The following CDKAL1 variants were observed in gnomAD, a reference collection of about 807,000 sequenced individuals.
CDKAL1 encodes the protein CDKAL1 threonylcarbamoyladenosine tRNA methylthiotransferase, also known as threonylcarbamoyladenosine tRNA methylthiotransferase.
In CDKAL1, 32 loss-of-function variants were observed where a neutral mutation model predicts 68.2. That is an observed-to-expected ratio of 0.47 (90% CI 0.35 to 0.63). CDKAL1 has a LOEUF of 0.63. CDKAL1 is among the 30% of genes least tolerant of loss of function. The probability of loss-of-function intolerance (pLI) is 0.00; values close to 1 mark genes in which losing one functional copy is unlikely to be tolerated. For missense variants in CDKAL1, 606 were observed against 696.7 expected, an observed-to-expected ratio of 0.87 and a Z score of 1.47; for synonymous variants, 234 against 244.3, an observed-to-expected ratio of 0.96 and a Z score of 0.39.
chr6:20,550,264 C>T (rs1763767040), intron 4 of CDKAL1, among the ~76,000 whole-genome samples: 1 of 152,158 alleles, frequency 6.6e-6, no homozygotes, highest in Non-Finnish European at 1.5e-5. Flanking sequence ...AGGCATGAGC[C>T]ACTGCACCTG....
intron 11 of CDKAL1, among the ~76,000 whole-genome samples, chr6:21,039,704 G>T (rs1769804439): frequency 6.6e-6 from 1 of 152,154 alleles, no homozygotes; most frequent in South Asian, 2.1e-4. Context: ...ATAAAATATG[G>T]AATCAGAACA....
chr6:20,718,369 C>G (rs1772190220), intron 5 of CDKAL1, among the ~76,000 whole-genome samples: 3 of 152,158 alleles, frequency 2.0e-5, no homozygotes, highest in South Asian at 2.1e-4. Context: ...TTGTTATTCT[C>G]TAGAAGACAT....
intron 15 of CDKAL1, among the ~76,000 whole-genome samples, chr6:21,205,928 G>C (rs1280294556): frequency 2.2e-5 from 3 of 139,356 alleles, no homozygotes; most frequent in African/African-American, 8.3e-5. Context: ...TCCGCCTCCC[G>C]GGTTCACGCC....
At chr6:20,966,746 A>G (rs188496702) in intron 10 of CDKAL1, among the ~76,000 whole-genome samples, 2 of 152,346 alleles carry the variant, frequency 1.3e-5, no homozygotes, top group East Asian at 3.9e-4. Context: ...AAATATTTTT[A>G]AAAGCATACT....
At chr6:20,988,400 C>G (rs77212547) in intron 10 of CDKAL1, among the ~76,000 whole-genome samples, 2 of 152,072 alleles carry the variant, frequency 1.3e-5, no homozygotes, top group African/African-American at 4.8e-5. Context: ...CAGCTATCTG[C>G]GCATTCAGTA....
At chr6:20,639,353 A>T (rs1185647662) in intron 4 of CDKAL1, among the ~76,000 whole-genome samples, 1 of 152,034 alleles carries the variant, frequency 6.6e-6, no homozygotes, top group Non-Finnish European at 1.5e-5. Flanking sequence ...CACTCTACAG[A>T]CACCACCACC....
At position 21,231,319 on chromosome 6, in the gene CDKAL1, T is replaced by G. The variant is rs1472781453; in HGVS notation, c.*280T>G. On this transcript the variant is annotated 3_prime_UTR_variant, in exon 16 of 16. Transcript: ENST00000274695. ...AAGAAATGCAAGCGGTTGCATTTTT[T>G]TCTGTTTGTTTCAATCTCTAATCTT... The G allele has an allele frequency of 3.6e-6, 1 of 273,976 alleles. No homozygotes were observed. The highest frequency in any genetic ancestry group is 5.2e-5 in the Admixed American group (1 of 19,152). The allele number at this position is 273,976 out of a possible 1,614,324, so 17.0% of individuals were successfully genotyped here.
intron 4 of CDKAL1, among the ~76,000 whole-genome samples, chr6:20,638,613 TTC>T (rs1235137863): frequency 6.0e-5 from 4 of 66,880 alleles, no homozygotes; most frequent in African/African-American, 3.2e-4. Flanking sequence ...TTATTAGAGA[TTC>T]TTTTTTTTTT....
At chr6:20,757,565 C>T (rs1264842404) in intron 6 of CDKAL1, among the ~76,000 whole-genome samples, 7 of 152,158 alleles carry the variant, frequency 4.6e-5, no homozygotes, top group African/African-American at 1.7e-4. Context: ...CACACACACA[C>T]ACACACCCTC....
intron 4 of CDKAL1, among the ~76,000 whole-genome samples, chr6:20,563,778 A>G (rs534381734): frequency 6.6e-6 from 1 of 152,284 alleles, no homozygotes; most frequent in African/African-American, 2.4e-5. Context: ...TTTAATAAAC[A>G]TAAGTATCTT....
chr6:21,091,161 C>T (rs1772988971), intron 12 of CDKAL1, among the ~76,000 whole-genome samples: 1 of 152,154 alleles, frequency 6.6e-6, no homozygotes, highest in Non-Finnish European at 1.5e-5. Flanking sequence ...TTCATTGTCT[C>T]TCAAATCCTG....
chr6:20,623,803 T>C (rs7763304), intron 4 of CDKAL1, among the ~76,000 whole-genome samples: 133,632 of 152,060 alleles, frequency 0.88, 58,773 homozygotes, highest in Middle Eastern at 0.94. Flanking sequence ...AGCCAGACTG[T>C]TAAGTTCAAA....
intron 15 of CDKAL1, among the ~76,000 whole-genome samples, chr6:21,219,657 T>C (rs1005381921): frequency 2.0e-5 from 3 of 152,208 alleles, no homozygotes; most frequent in African/African-American, 7.2e-5. Context: ...TTTATAGAGC[T>C]CAGTGATGCT....
At position 20,812,376 on chromosome 6, in the gene CDKAL1, G is replaced by A. The variant is rs151252737; in HGVS notation, c.638+31111G>A. On this transcript the variant is annotated intron_variant, in intron 8 of 15. Transcript: ENST00000274695. The stretch of plus-strand genomic sequence containing the variant: ...TGGCTAGTGGAGGCTCCTTCAAGTT[G>A]GCTCCTATTAATAGATTATTTTGAC... 2.8e-4 allele frequency among the ~76,000 whole-genome samples: 42 copies of A among 152,188 alleles called. No homozygotes were observed. The East Asian group carries it at 7.2e-3, about 26-fold the overall frequency.
At chr6:20,961,029 G>C (rs1765030246) in intron 10 of CDKAL1, among the ~76,000 whole-genome samples, 1 of 152,150 alleles carries the variant, frequency 6.6e-6, no homozygotes, top group African/African-American at 2.4e-5. Flanking sequence ...CAGACAGTTT[G>C]TCTTGGTTTT....
intron 4 of CDKAL1, among the ~76,000 whole-genome samples, chr6:20,588,648 G>C (rs1388296267): frequency 2.0e-5 from 3 of 151,964 alleles, no homozygotes; most frequent in African/African-American, 7.3e-5. Flanking sequence ...TTTTGCTTAG[G>C]TATCCTTGGC....
intron 5 of CDKAL1, among the ~76,000 whole-genome samples, chr6:20,676,698 T>A (rs1164254503): frequency 5.0e-5 from 4 of 80,752 alleles, no homozygotes; most frequent in African/African-American, 2.7e-4. Flanking sequence ...AATAAATAAA[T>A]AAATAAAATA....
chr6:21,055,663 C>T lies in CDKAL1; in HGVS notation c.1056-9385C>T, dbSNP rs541625377. On this transcript the variant is annotated intron_variant, in intron 11 of 15. Transcript: ENST00000274695. The stretch of plus-strand genomic sequence containing the variant: ...TGCATTAGTTTGCTGAGAATAATGG[C>T]TTCTGACAATATCCATGTCCCTGCA... Among the ~76,000 whole-genome samples the T allele has an allele frequency of 2.6e-5, 4 of 152,236 alleles. No homozygotes were observed. In the East Asian group the frequency reaches 7.7e-4, roughly 29 times the overall value.
chr6:21,154,340 A>C (rs1361691382), intron 13 of CDKAL1, among the ~76,000 whole-genome samples: 1 of 152,176 alleles, frequency 6.6e-6, no homozygotes, highest in Non-Finnish European at 1.5e-5. Flanking sequence ...CAGTACCCCT[A>C]ATTTCTAGCA....
Sources: gnomAD v4.1 joint callset for allele counts (sites outside exome capture counted in the v4.1 genomes callset) on GRCh38, gnomAD v4.1.1 for gene constraint, MANE v1.5 for transcripts, NCBI Gene and HGNC (gene_info 2026-07-23, HGNC 2026-07-21) for gene names.